The following CDC5L variants were observed in gnomAD, a reference collection of about 807,000 sequenced individuals.
CDC5L encodes cell division cycle 5-like protein.
A neutral mutation model predicts 104.1 loss-of-function variants in CDC5L; 18 were observed. The ratio of observed to expected loss-of-function variants is 0.17; its 90% CI spans 0.12 to 0.26. The LOEUF is 0.26. Ranked by LOEUF, CDC5L falls within the 10% of genes least tolerant of loss-of-function variation. The pLI, the probability that CDC5L is intolerant of heterozygous loss-of-function variation, is 1.00. For missense variants in CDC5L, 673 were observed against 956.9 expected (o/e 0.70, Z 3.91); for synonymous variants, 331 against 322.7 (o/e 1.03, Z -0.28).
rs11571910 is a variant in CDC5L, at chr6:44,390,201, A to G, written c.46-67A>G. The G allele has an allele frequency of 7.4e-4, 695 of 936,442 alleles. 2 individuals are homozygous for G. In the African/African-American group the frequency reaches 0.01, roughly 14 times the overall value. 58.0% of individuals were successfully genotyped at this position (936,442 alleles called of 1,614,324 possible). The stretch of plus-strand genomic sequence containing the variant: ...TTCTCCAATAGCCCTATCAGAGTTA[A>G]TTTAAATTTTGTCTTTTCCCACTTG... On this transcript the variant is annotated intron_variant, in intron 1 of 15. Coordinates refer to ENST00000371477, the MANE Select transcript of CDC5L (RefSeq NM_001253.4).
chr6:44,387,740 C>T lies in CDC5L; in HGVS notation c.-84C>T, dbSNP rs1238611553. 1.1e-5 allele frequency: 13 copies of T among 1,234,772 alleles called. No homozygotes were observed. Among genetic ancestry groups the T allele is most frequent in the Non-Finnish European group, 1.3e-5 (11 of 862,348 alleles). The allele number at this position is 1,234,772 out of a possible 1,614,324, so 76.5% of individuals were successfully genotyped here. A position where few individuals can be genotyped will look rare whatever the true frequency, so the allele number is the denominator to read the frequency against. On this transcript the variant is annotated 5_prime_UTR_variant, in exon 1 of 16. Transcript: ENST00000371477. ...AGAAGGTCGCGCTTGGAGGAAGTGG[C>T]GGCTTTGAGTCCGGTGGCCCAATCG...
rs556244492 is a variant in CDC5L, at chr6:44,440,701, T to A, written c.2092-4954T>A. On this transcript the variant is annotated intron_variant, in intron 14 of 15. Transcript: ENST00000371477. ...ACCACTTCTTTGTGGAGAGAATATT[T>A]AAAATCCTTTTTTTTTTTTTTTTTG... 9.3e-5 allele frequency among the ~76,000 whole-genome samples: 14 copies of A among 150,678 alleles called. No individual in the cohort carries two copies. The South Asian group carries it at 3.0e-3, about 32-fold the overall frequency.
Position 44,445,855 on chromosome 6 carries a change from C to T in CDC5L, c.2292C>T (p.Pro764=). The change falls in exon 15 of 16, where the codon CCC becomes CCT. Residue 764 remains proline, a synonymous_variant. Coordinates refer to ENST00000371477, the MANE Select transcript of CDC5L (RefSeq NM_001253.4). ...AGAAACATGAAGATTCTGCTATTCC[C>T]CGGAGGCTAGAGGTAACGTTATATA... is the stretch of plus-strand genomic sequence containing the variant. ...ELKKHEDSAI[P]RRLECLKEDV... 6.2e-7 allele frequency: 1 copy of T among 1,612,586 alleles called. No individual in the cohort carries two copies. Among genetic ancestry groups the T allele is most frequent in the South Asian group, 1.1e-5 (1 of 91,038 alleles).
At chr6:44,410,959 C>T (rs1181522738) in intron 8 of CDC5L, among the ~76,000 whole-genome samples, 1 of 150,572 alleles carries the variant, frequency 6.6e-6, no homozygotes, top group East Asian at 1.9e-4. Flanking sequence ...TTTTAATTTA[C>T]TATCATATAT....
chr6:44,391,544 G>A (rs1352837489), intron 2 of CDC5L, among the ~76,000 whole-genome samples: 6 of 152,150 alleles, frequency 3.9e-5, no homozygotes, highest in South Asian at 2.1e-4. Context: ...CACCGCGCCC[G>A]GCTGGTGTCA....
chr6:44,399,490 A>G (rs1057512004), intron 5 of CDC5L, among the ~76,000 whole-genome samples: 4 of 152,074 alleles, frequency 2.6e-5, no homozygotes, highest in East Asian at 1.9e-4. Context: ...GGTGTATTTA[A>G]TAGTGCCACA....
intron 8 of CDC5L, among the ~76,000 whole-genome samples, chr6:44,413,278 C>T (rs1162005694): frequency 1.3e-5 from 2 of 152,138 alleles, no homozygotes; most frequent in Admixed American, 6.5e-5. Flanking sequence ...TTTCACTTTG[C>T]ATTATATCGT....
At chr6:44,442,716 A>G (rs899649445) in intron 14 of CDC5L, among the ~76,000 whole-genome samples, 1 of 152,140 alleles carries the variant, frequency 6.6e-6, no homozygotes, top group Non-Finnish European at 1.5e-5. Context: ...TAGAGATATA[A>G]TTGATTTACT....
intron 11 of CDC5L, among the ~76,000 whole-genome samples, chr6:44,425,390 A>G (rs1792374168): frequency 1.3e-5 from 2 of 152,322 alleles, no homozygotes; most frequent in Admixed American, 1.3e-4. Context: ...CAACAAGCTC[A>G]GATGAATTGA....
intron 14 of CDC5L, among the ~76,000 whole-genome samples, chr6:44,442,542 TAAC>T (rs1174728848): frequency 1.3e-5 from 2 of 152,174 alleles, no homozygotes; most frequent in African/African-American, 4.8e-5. Flanking sequence ...TTTAAGTTGA[TAAC>T]AACTTAATTT....
At chr6:44,417,173 T>C (rs1791945912) in intron 8 of CDC5L, among the ~76,000 whole-genome samples, 1 of 152,056 alleles carries the variant, frequency 6.6e-6, no homozygotes, top group African/African-American at 2.4e-5. Context: ...CGGTTCTGTG[T>C]GATTTGATGG....
At chr6:44,406,268 A>C in intron 6 of CDC5L, 55 bp from the exon 7 acceptor site, 2 of 1,286,492 alleles carry the variant, frequency 1.6e-6, no homozygotes, top group Non-Finnish European at 2.2e-6. Context: ...ATGGATTTTA[A>C]TGTTTTTGGC....
chr6:44,405,429 A>G lies in CDC5L; in HGVS notation c.759-894A>G, dbSNP rs945554531. On this transcript the variant is annotated intron_variant, in intron 6 of 15. Coordinates refer to ENST00000371477, the MANE Select transcript of CDC5L (RefSeq NM_001253.4). ...GAGTACTAAGTGGGGGAGGCAAGAA[A>G]GACACACAGAAGGGGAGGAGGTATT... Among the ~76,000 whole-genome samples, 7 of 152,348 alleles carry G rather than the reference A, an allele frequency of 4.6e-5. 1 individual carries two copies. The highest frequency in any genetic ancestry group is 6.8e-3 in the Middle Eastern group (2 of 294).
intron 10 of CDC5L, 117 bp downstream of exon 10, chr6:44,422,926 T>A: frequency 1.9e-6 from 1 of 524,894 alleles, no homozygotes; most frequent in East Asian, 3.2e-5. Context: ...TATACACCTG[T>A]GGATGCCAGA....
chr6:44,426,763 T>C, intron 13 of CDC5L, 39 bp downstream of exon 13: 1 of 1,601,076 alleles, frequency 6.2e-7, no homozygotes. Flanking sequence ...GAGATTTAGG[T>C]AGTTGTTAGG....
chr6:44,431,013 A>G (rs1054639379), intron 14 of CDC5L, among the ~76,000 whole-genome samples: 1 of 152,228 alleles, frequency 6.6e-6, no homozygotes, highest in Non-Finnish European at 1.5e-5. Context: ...TCTCTTTACA[A>G]AAAGTGCATT....
intron 10 of CDC5L, among the ~76,000 whole-genome samples, chr6:44,423,927 T>TC: frequency 6.6e-6 from 1 of 152,326 alleles, no homozygotes; most frequent in South Asian, 2.1e-4. Context: ...GGTCTTTTTT[T>TC]CTGCCCTGGC....
In CDC5L at chr6:44,408,452, T is replaced by G. The variant is rs1267589129; in HGVS notation, c.912T>G (p.Asp304Glu). 3.1e-6 allele frequency: 5 copies of G among 1,611,088 alleles called. No individual in the cohort carries two copies. The highest frequency in any genetic ancestry group is 4.2e-6 in the Non-Finnish European group (5 of 1,177,920). ...TAATTGTGTCCTTTTAGATTTCAGA[T>G]GCAGAACTCCAGGAAGTTGTAAAAG... ...KLVLPAPQIS[D>E]AELQEVVKVG... is the part of the protein sequence containing the mutation. Residue 304 changes from aspartate (D) to glutamate (E), a missense_variant, in exon 8 of 16, where the codon GAT (aspartate) becomes GAG (glutamate). Asp to Glu is a conservative substitution (Grantham distance 45, BLOSUM62 2). Around this residue, in one of 4 missense-constraint regions of CDC5L, gnomAD observed 578 missense variants for 737.0 expected, o/e 0.78. Coordinates refer to ENST00000371477, the MANE Select transcript of CDC5L (RefSeq NM_001253.4).
In CDC5L at chr6:44,394,124, A is replaced by G. The variant is rs115467746; in HGVS notation, c.439+551A>G. Among the ~76,000 whole-genome samples, 1,208 of 152,238 alleles carry G rather than the reference A, an allele frequency of 7.9e-3. 21 individuals are homozygous for G. The highest frequency in any genetic ancestry group is 0.028 in the African/African-American group (1,154 of 41,530). On this transcript the variant is annotated intron_variant, in intron 4 of 15. Coordinates refer to ENST00000371477, the MANE Select transcript of CDC5L (RefSeq NM_001253.4). ...ATTAAGTGTTACGGGGTGTGGTGGT[A>G]TGTGCCTGTAGTGCTAGCTGCTAAG...
Sources: gnomAD v4.1 joint callset for allele counts (sites outside exome capture counted in the v4.1 genomes callset) on GRCh38, gnomAD v4.1.1 for gene constraint, gnomAD v4.1.1 regional missense constraint, MANE v1.5 for transcripts, NCBI Gene and HGNC (gene_info 2026-07-23, HGNC 2026-07-21) for gene names.